Variants in SMAD5 observed in about 807,000 individuals in gnomAD.
SMAD5 encodes the protein SMAD family member 5.
SMAD5 carries 9 observed loss-of-function variants against 43.1 expected under a neutral mutation model. That is an observed-to-expected ratio of 0.21 (90% CI 0.13 to 0.36). The LOEUF (loss-of-function observed/expected upper bound fraction) is 0.36. SMAD5 is among the 10% of genes least tolerant of loss of function. The pLI, the probability that SMAD5 is intolerant of heterozygous loss-of-function variation, is 1.00. For synonymous variants in SMAD5, 190 were observed against 192.4 expected, an observed-to-expected ratio of 0.99 and a Z score of 0.10; for missense variants, 348 against 574.0, an observed-to-expected ratio of 0.61 and a Z score of 4.02.
At position 136,136,194 on chromosome 5, in the gene SMAD5, C is replaced by T. The variant is rs558650432; in HGVS notation, c.-245+3232C>T. On this transcript the variant is annotated intron_variant, in intron 1 of 7. Coordinates refer to ENST00000545279, the MANE Select transcript of SMAD5 (RefSeq NM_005903.7). Reference sequence around the variant, plus strand: ...TGGAAGCTGACCCATGGCATCCCCCCGCCACTGGGTTCTAGCTCTGTCGCC... The same window carrying T: ...TGGAAGCTGACCCATGGCATCCCCCTGCCACTGGGTTCTAGCTCTGTCGCC... Among the ~76,000 whole-genome samples, 156 of 152,284 alleles carry T rather than the reference C, an allele frequency of 1.0e-3. 1 individual carries two copies. The highest frequency in any genetic ancestry group is 3.6e-3 in the African/African-American group (148 of 41,560).
chr5:136,167,172 T>A (rs1201054973), intron 5 of SMAD5, among the ~76,000 whole-genome samples: 1 of 63,564 alleles, frequency 1.6e-5, no homozygotes, highest in Non-Finnish European at 3.0e-5. Flanking sequence ...CGCCTAGCAT[T>A]TTTTTTTTTC....
chr5:136,141,429 T>G (rs770342785), intron 1 of SMAD5, among the ~76,000 whole-genome samples: 20 of 152,240 alleles, frequency 1.3e-4, no homozygotes, highest in Non-Finnish European at 2.9e-4. Flanking sequence ...CTCATTGTAC[T>G]TACATATAGG....
At chr5:136,175,998 T>G (rs1754402892) in intron 7 of SMAD5, among the ~76,000 whole-genome samples, 1 of 152,162 alleles carries the variant, frequency 6.6e-6, no homozygotes, top group Non-Finnish European at 1.5e-5. Flanking sequence ...ATCTGCAGTT[T>G]TAGGCTAAAG....
At chr5:136,146,017 C>G (rs997093383) in intron 1 of SMAD5, among the ~76,000 whole-genome samples, 1 of 151,848 alleles carries the variant, frequency 6.6e-6, no homozygotes, top group Non-Finnish European at 1.5e-5. Flanking sequence ...CACTGTGTAT[C>G]GTAGATAGTT....
intron 1 of SMAD5, among the ~76,000 whole-genome samples, chr5:136,144,378 A>G (rs1753190399): frequency 6.6e-6 from 1 of 152,006 alleles, no homozygotes; most frequent in Non-Finnish European, 1.5e-5. Flanking sequence ...TTGGTTTAAT[A>G]CGGCCCTAGT....
intron 2 of SMAD5, among the ~76,000 whole-genome samples, chr5:136,148,223 A>AGTATCATT (rs1409663122): frequency 1.3e-5 from 2 of 151,448 alleles, no homozygotes; most frequent in Non-Finnish European, 3.0e-5. Context: ...GACAGCCTTC[A>AGTATCATT]ATTTGACATT....
In SMAD5 at chr5:136,173,574, AT is replaced by A. The variant is rs1339382647; in HGVS notation, c.998-792del. On this transcript the variant is annotated intron_variant, in intron 6 of 7. Coordinates refer to ENST00000545279, the MANE Select transcript of SMAD5 (RefSeq NM_005903.7). ...TGAAGTGCCTCACTTCTAGGCATTG[AT>A]TTTTTTTTTCTTCCATCACAGTAGA... 4.9e-4 allele frequency among the ~76,000 whole-genome samples: 74 copies of A among 150,022 alleles called. 1 individual carries two copies. The South Asian group carries it at 0.012, about 24-fold the overall frequency.
intron 3 of SMAD5, among the ~76,000 whole-genome samples, chr5:136,158,422 C>G (rs1424700431): frequency 6.6e-6 from 1 of 151,910 alleles, no homozygotes; most frequent in African/African-American, 2.4e-5. Flanking sequence ...TGCCTGCCGA[C>G]AAGCAAAAAA....
chr5:136,139,526 GCTTA>G (rs1237066072), intron 1 of SMAD5, among the ~76,000 whole-genome samples: 1 of 152,014 alleles, frequency 6.6e-6, no homozygotes, highest in Non-Finnish European at 1.5e-5. Flanking sequence ...TCATCAGGAA[GCTTA>G]CTGTCTTTCA....
intron 3 of SMAD5, among the ~76,000 whole-genome samples, chr5:136,159,181 T>TA (rs1343021735): frequency 6.6e-6 from 1 of 152,210 alleles, no homozygotes; most frequent in Non-Finnish European, 1.5e-5. Context: ...AGCAAAATGT[T>TA]ATATTTAACT....
At chr5:136,172,888 C>T in intron 6 of SMAD5, 2 of 512,908 alleles carry the variant, frequency 3.9e-6, no homozygotes, top group Non-Finnish European at 7.1e-6. Flanking sequence ...CATACTACCA[C>T]TTTGTTTTTT....
At chr5:136,147,207 A>C (rs1037357752) in intron 1 of SMAD5, among the ~76,000 whole-genome samples, 2 of 151,692 alleles carry the variant, frequency 1.3e-5, no homozygotes, top group African/African-American at 4.8e-5. Context: ...GATCACCACA[A>C]AAAAAATATA....
chr5:136,137,239 G>C (rs1752915150), intron 1 of SMAD5, among the ~76,000 whole-genome samples: 1 of 146,644 alleles, frequency 6.8e-6, no homozygotes, highest in Non-Finnish European at 1.5e-5. Flanking sequence ...ATAACATTTT[G>C]TAACTAGGTT....
intron 1 of SMAD5, chr5:136,133,370 T>C (rs1439989403): frequency 6.6e-6 from 1 of 152,482 alleles, no homozygotes; most frequent in Non-Finnish European, 1.5e-5. Context: ...ACTGCGGTGC[T>C]CGGCCGGGCA....
At chr5:136,166,934 C>T (rs559626900) in intron 5 of SMAD5, among the ~76,000 whole-genome samples, 5 of 152,196 alleles carry the variant, frequency 3.3e-5, no homozygotes, top group Non-Finnish European at 5.9e-5. Flanking sequence ...TTGATACTCA[C>T]ATTTTCTCAC....
intron 5 of SMAD5, 80 bp from the exon 6 acceptor site, chr5:136,172,349 CTTGGG>C (rs1351155261): frequency 1.4e-6 from 1 of 740,378 alleles, no homozygotes; most frequent in Non-Finnish European, 2.2e-6. Flanking sequence ...TCATGTAATA[CTTGGG>C]TTGGGTTAAA....
In SMAD5 at chr5:136,166,123, A is replaced by G. The variant is rs1178958854; in HGVS notation, c.775+2732A>G. 2.0e-5 allele frequency among the ~76,000 whole-genome samples: 3 copies of G among 151,342 alleles called. No homozygotes were observed. In the East Asian group the frequency reaches 5.8e-4, roughly 29 times the overall value. ...TTAGATATTGACCATTTTAATGGGTATGAAGAGATATCTCACTGTGGGTTG... is the reference window on the plus strand; with the variant it reads ...TTAGATATTGACCATTTTAATGGGTGTGAAGAGATATCTCACTGTGGGTTG... On this transcript the variant is annotated intron_variant, in intron 5 of 7. Transcript: ENST00000545279.
At chr5:136,142,170 G>C (rs1238218591) in intron 1 of SMAD5, among the ~76,000 whole-genome samples, 1 of 152,128 alleles carries the variant, frequency 6.6e-6, no homozygotes, top group East Asian at 1.9e-4. Context: ...ACATTCTTGT[G>C]GGGACAGATT....
At chr5:136,133,119 G>C (rs1472456118) in intron 1 of SMAD5, 157 bp downstream of exon 1, 1 of 152,238 alleles carries the variant, frequency 6.6e-6, no homozygotes, top group Non-Finnish European at 1.5e-5. Flanking sequence ...CTGGCCTGCC[G>C]GGGTCCCGGC....
Sources: allele counts gnomAD v4.1 joint callset (sites outside exome capture counted in the v4.1 genomes callset), GRCh38; gene constraint gnomAD v4.1.1; transcripts MANE v1.5; gene names NCBI Gene and HGNC (gene_info 2026-07-23, HGNC 2026-07-21).